SEMA5A: variants seen among roughly 807,000 people sequenced by gnomAD.
SEMA5A encodes semaphorin 5A.
Under a neutral mutation model 135.5 loss-of-function variants are expected in SEMA5A, and 55 were observed. The observed-to-expected ratio is 0.41, with a 90% CI of 0.33 to 0.51. SEMA5A has a LOEUF of 0.51. Among genes scored for constraint, SEMA5A ranks in the 20% least tolerant of loss-of-function variants. The probability of loss-of-function intolerance (pLI) is 0.37; values close to 1 mark genes in which losing one functional copy is unlikely to be tolerated. For missense variants in SEMA5A, 1,290 were observed against 1,419.9 expected, an observed-to-expected ratio of 0.91 and a Z score of 1.47; for synonymous variants, 580 against 546.5, an observed-to-expected ratio of 1.06 and a Z score of -0.85.
At chr5:9,413,489 A>C in intron 2 of SEMA5A, among the ~76,000 whole-genome samples, 1 of 152,178 alleles carries the variant, frequency 6.6e-6, no homozygotes, top group East Asian at 1.9e-4. Context: ...ATACACTGGC[A>C]TATTGGGCAA....
chr5:9,407,485 A>C (rs1756932830), intron 2 of SEMA5A, among the ~76,000 whole-genome samples: 1 of 152,228 alleles, frequency 6.6e-6, no homozygotes, highest in Non-Finnish European at 1.5e-5. Flanking sequence ...TTGGTAAATG[A>C]AGTGAACATT....
intron 1 of SEMA5A, among the ~76,000 whole-genome samples, chr5:9,497,963 G>T (rs987982444): frequency 4.6e-5 from 7 of 152,236 alleles, no homozygotes; most frequent in Admixed American, 4.6e-4. Context: ...GCTGTATACA[G>T]AGATGTATGC....
chr5:9,349,283 C>T (rs1482863971), intron 3 of SEMA5A, among the ~76,000 whole-genome samples: 2 of 152,126 alleles, frequency 1.3e-5, no homozygotes, highest in African/African-American at 2.4e-5. Flanking sequence ...TGGATGTGCA[C>T]CAAAAATACT....
rs965777146 is a variant in SEMA5A, at chr5:9,119,220, C to T, written c.1782-79G>A. The T allele has an allele frequency of 1.2e-5, 19 of 1,534,920 alleles. No individual in the cohort carries two copies. The Middle Eastern group carries it at 5.7e-4, about 46-fold the overall frequency. On this transcript the variant is annotated intron_variant, in intron 14 of 22. Transcript: ENST00000382496. ...CCCTGTCTGCACCCACGGCCAAATG[C>T]CTGTGTTCCTCAGGAGGATCACGCT... is the stretch of plus-strand genomic sequence containing the variant.
intron 15 of SEMA5A, among the ~76,000 whole-genome samples, chr5:9,117,205 A>G (rs1178790282): frequency 6.6e-6 from 1 of 152,210 alleles, no homozygotes; most frequent in East Asian, 1.9e-4. Context: ...GAAAAATCCT[A>G]TGTGGATGCA....
At chr5:9,281,412 G>C (rs190546718) in intron 5 of SEMA5A, among the ~76,000 whole-genome samples, 1 of 152,234 alleles carries the variant, frequency 6.6e-6, no homozygotes, top group Non-Finnish European at 1.5e-5. Context: ...TCTGGAGACA[G>C]CTGGGAAGGG....
intron 2 of SEMA5A, among the ~76,000 whole-genome samples, chr5:9,432,015 A>C (rs376608701): frequency 2.6e-5 from 4 of 152,332 alleles, no homozygotes; most frequent in African/African-American, 9.6e-5. Flanking sequence ...AAAAGGCCCA[A>C]ATCTCAAACA....
At chr5:9,094,831 G>A (rs529569061) in intron 16 of SEMA5A, among the ~76,000 whole-genome samples, 5 of 152,310 alleles carry the variant, frequency 3.3e-5, no homozygotes, top group African/African-American at 7.2e-5. Context: ...ATAATAGTGT[G>A]TGGGATGTTA....
intron 5 of SEMA5A, among the ~76,000 whole-genome samples, chr5:9,267,426 A>G (rs1805935): frequency 0.01 from 1,557 of 152,268 alleles, 28 homozygotes; most frequent in African/African-American, 0.036. Flanking sequence ...GTTCTTCCTT[A>G]AACTGAGTGA....
chr5:9,246,477 T>C (rs1410353715), intron 5 of SEMA5A, among the ~76,000 whole-genome samples: 1 of 152,184 alleles, frequency 6.6e-6, no homozygotes, highest in Non-Finnish European at 1.5e-5. Flanking sequence ...ACATGGATGA[T>C]GCCATCCAAG....
chr5:9,470,340 C>T lies in SEMA5A; in HGVS notation c.-174-32488G>A, dbSNP rs76867884. ...TGAGATTTGGCTCTGGGGAAATAAA[C>T]AAAATTAGATTCCACAACCAACTCT... is the stretch of plus-strand genomic sequence containing the variant. On this transcript the variant is annotated intron_variant, in intron 1 of 22. Transcript: ENST00000382496. Among the ~76,000 whole-genome samples the T allele has an allele frequency of 7.7e-3, 1,168 of 152,276 alleles. 15 individuals are homozygous for T. The highest frequency in any genetic ancestry group is 0.027 in the African/African-American group (1,131 of 41,556).
At chr5:9,240,043 T>G (rs1748116436) in intron 5 of SEMA5A, among the ~76,000 whole-genome samples, 2 of 151,882 alleles carry the variant, frequency 1.3e-5, no homozygotes, top group African/African-American at 4.8e-5. Flanking sequence ...TGGCCAAAGA[T>G]TGAAAGGGAA....
intron 2 of SEMA5A, among the ~76,000 whole-genome samples, chr5:9,437,342 TTTC>T (rs993587774): frequency 1.3e-5 from 2 of 151,256 alleles, no homozygotes; most frequent in Admixed American, 6.6e-5. Flanking sequence ...TTTTTTTTCT[TTTC>T]TTCTTTTCTT....
At chr5:9,386,023 A>G (rs1175584322) in intron 2 of SEMA5A, among the ~76,000 whole-genome samples, 1 of 151,912 alleles carries the variant, frequency 6.6e-6, no homozygotes, top group East Asian at 1.9e-4. Context: ...GCTAGTCTTG[A>G]ACTCATGACC....
rs1759390099 is a variant in SEMA5A at position 9,469,369 on chromosome 5, T to G, written c.-174-31517A>C. On this transcript the variant is annotated intron_variant, in intron 1 of 22. Coordinates refer to ENST00000382496, the MANE Select transcript of SEMA5A (RefSeq NM_003966.3). ...TAAGGTCATGCTTAAAGCCTAGATT[T>G]TAGTTATGCGGAATGTTTAATTGGG... 4.6e-5 allele frequency among the ~76,000 whole-genome samples: 7 copies of G among 152,310 alleles called. No homozygotes were observed. The South Asian group carries it at 1.5e-3, about 32-fold the overall frequency.
chr5:9,540,870 T>C (rs1431081089), intron 1 of SEMA5A, among the ~76,000 whole-genome samples: 4 of 152,300 alleles, frequency 2.6e-5, no homozygotes, highest in Admixed American at 2.6e-4. Context: ...GTTTTGTTTT[T>C]ACAGAAAGAA....
intron 1 of SEMA5A, among the ~76,000 whole-genome samples, chr5:9,477,861 A>G (rs1052992310): frequency 6.6e-6 from 1 of 152,248 alleles, no homozygotes; most frequent in Admixed American, 6.5e-5. Flanking sequence ...GAGAAATTCA[A>G]GCCAGCTGCA....
chr5:9,542,810 G>A (rs2126399268), intron 1 of SEMA5A, among the ~76,000 whole-genome samples: 1 of 152,194 alleles, frequency 6.6e-6, no homozygotes, highest in Middle Eastern at 3.4e-3. Flanking sequence ...GTTCTATCTT[G>A]CACACCATCT....
chr5:9,323,595 T>C (rs1384366396), intron 4 of SEMA5A, among the ~76,000 whole-genome samples: 2 of 152,024 alleles, frequency 1.3e-5, no homozygotes, highest in Non-Finnish European at 2.9e-5. Flanking sequence ...TTTGTTGATT[T>C]TTTATTTGTT....
Sources: allele counts gnomAD v4.1 joint callset (sites outside exome capture counted in the v4.1 genomes callset), GRCh38; gene constraint gnomAD v4.1.1; transcripts MANE v1.5; gene names NCBI Gene and HGNC (gene_info 2026-07-23, HGNC 2026-07-21).